The following RFX7 variants were observed in gnomAD, a reference collection of about 807,000 sequenced individuals.
The protein encoded by RFX7 is DNA-binding protein RFX7.
RFX7 carries 26 observed loss-of-function variants against 111.8 expected under a neutral mutation model. That is an observed-to-expected ratio of 0.23 (90% CI 0.17 to 0.32). RFX7 has a LOEUF of 0.32. RFX7 is among the 10% of genes least tolerant of loss of function. The probability of loss-of-function intolerance (pLI) is 1.00; values close to 1 mark genes in which losing one functional copy is unlikely to be tolerated. For missense variants in RFX7, 1,573 were observed against 1,772.9 expected (o/e 0.89, Z 2.02); for synonymous variants, 624 against 624.4 (o/e 1.00, Z 0.01).
chr15:56,208,334 G>T (rs2043276955), intron 2 of RFX7, among the ~76,000 whole-genome samples: 1 of 152,134 alleles, frequency 6.6e-6, no homozygotes, highest in Admixed American at 6.5e-5. Context: ...AAGTAAGGGG[G>T]CACTGGAGAG....
At chr15:56,128,319 T>C (rs1048232467) in intron 5 of RFX7, among the ~76,000 whole-genome samples, 3 of 152,132 alleles carry the variant, frequency 2.0e-5, no homozygotes, top group African/African-American at 7.2e-5. Context: ...ATCCCTCAGA[T>C]GCAAAAATCC....
chr15:56,195,548 G>A (rs1254243238), intron 2 of RFX7, among the ~76,000 whole-genome samples: 2 of 152,046 alleles, frequency 1.3e-5, no homozygotes, highest in Middle Eastern at 3.2e-3. Flanking sequence ...ATTGTTCTTA[G>A]TACTTGCCTG....
intron 2 of RFX7, among the ~76,000 whole-genome samples, chr15:56,215,042 G>A (rs2043350171): frequency 6.6e-6 from 1 of 152,060 alleles, no homozygotes; most frequent in Non-Finnish European, 1.5e-5. Flanking sequence ...ACGTACAATT[G>A]TCCCTTGGTG....
chr15:56,116,194 T>C (rs1162070730), intron 5 of RFX7, among the ~76,000 whole-genome samples: 1 of 152,150 alleles, frequency 6.6e-6, no homozygotes, highest in African/African-American at 2.4e-5. Flanking sequence ...CAAGGTTGTA[T>C]ACATGAAAAC....
chr15:56,135,298 A>G (rs1340577731), intron 5 of RFX7, among the ~76,000 whole-genome samples: 1 of 152,100 alleles, frequency 6.6e-6, no homozygotes, highest in Non-Finnish European at 1.5e-5. Flanking sequence ...CTTTTTAATG[A>G]TCGCCATTCT....
chr15:56,137,644 T>G (rs1228216031), intron 5 of RFX7, among the ~76,000 whole-genome samples: 4 of 152,092 alleles, frequency 2.6e-5, no homozygotes, highest in East Asian at 1.9e-4. Context: ...AGTTATTTCT[T>G]GCCTTCTGCT....
chr15:56,109,004 C>G (rs1169589588), intron 5 of RFX7, among the ~76,000 whole-genome samples: 4 of 151,168 alleles, frequency 2.6e-5, no homozygotes, highest in Non-Finnish European at 4.4e-5. Context: ...AGGACCTCTT[C>G]AAGAACTACA....
chr15:56,097,000 CAT>C (rs1237444031), intron 9 of RFX7, among the ~76,000 whole-genome samples: 1 of 151,924 alleles, frequency 6.6e-6, no homozygotes, highest in Non-Finnish European at 1.5e-5. Flanking sequence ...ATGGCTCACT[CAT>C]AGGGGAAACT....
chr15:56,226,667 A>C (rs952593867), intron 2 of RFX7, among the ~76,000 whole-genome samples: 1 of 152,238 alleles, frequency 6.6e-6, no homozygotes, highest in Non-Finnish European at 1.5e-5. Flanking sequence ...AAAGTAATAC[A>C]GAGAGAAAAT....
chr15:56,118,816 T>C (rs532621920), intron 5 of RFX7, among the ~76,000 whole-genome samples: 180 of 152,322 alleles, frequency 1.2e-3, no homozygotes, highest in African/African-American at 4.3e-3. Context: ...CCACCAACAG[T>C]GTATGAAGGT....
At chr15:56,200,320 C>G (rs1299327995) in intron 2 of RFX7, among the ~76,000 whole-genome samples, 1 of 152,116 alleles carries the variant, frequency 6.6e-6, no homozygotes, top group African/African-American at 2.4e-5. Context: ...CCTTTACTTT[C>G]TTTTCAAACA....
intron 2 of RFX7, among the ~76,000 whole-genome samples, chr15:56,232,814 G>C (rs1301081430): frequency 6.6e-6 from 1 of 152,138 alleles, no homozygotes; most frequent in African/African-American, 2.4e-5. Context: ...CTAAAGCATA[G>C]CAAGAACCCA....
At chr15:56,232,323 T>G (rs2043569188) in intron 2 of RFX7, among the ~76,000 whole-genome samples, 1 of 152,164 alleles carries the variant, frequency 6.6e-6, no homozygotes, top group Non-Finnish European at 1.5e-5. Context: ...GAAATCTACG[T>G]AAAGATTTCC....
At position 56,096,137 on chromosome 15, in the gene RFX7, C is replaced by G; in HGVS notation, c.1591G>C (p.Gly531Arg). Reference sequence around the variant, plus strand: ...ACTTTGACTTCCACAGCAGATGTTCCCCCCGCACTGCTGCTCCTGGACCCA... The same window carrying G: ...ACTTTGACTTCCACAGCAGATGTTCGCCCCGCACTGCTGCTCCTGGACCCA... ...SPGSRSSSAG[G>R]TSAVEVKVEP... Residue 531 changes from glycine to arginine, a missense_variant, in exon 10 of 10, where the codon GGA becomes CGA. Transcript: ENST00000559447. 1 of 1,613,760 alleles carries G rather than the reference C, an allele frequency of 6.2e-7. No homozygotes were observed.
At chr15:56,193,447 A>AT (rs1246265417) in intron 2 of RFX7, among the ~76,000 whole-genome samples, 2 of 152,162 alleles carry the variant, frequency 1.3e-5, no homozygotes, top group Non-Finnish European at 1.5e-5. Flanking sequence ...TATTTTTCTA[A>AT]TTTTTTAAAT....
At chr15:56,178,129 T>C (rs2042922164) in intron 3 of RFX7, among the ~76,000 whole-genome samples, 1 of 145,700 alleles carries the variant, frequency 6.9e-6, no homozygotes, top group African/African-American at 2.6e-5. Context: ...CAGAGGATTA[T>C]TATAAGACAA....
chr15:56,125,215 G>A (rs76163352), intron 5 of RFX7, among the ~76,000 whole-genome samples: 2,341 of 152,194 alleles, frequency 0.015, 25 homozygotes, highest in Non-Finnish European at 0.023. Flanking sequence ...GTCTATATGT[G>A]TGCTTTTATG....
intron 5 of RFX7, among the ~76,000 whole-genome samples, chr15:56,104,804 TAA>T (rs58659248): frequency 6.6e-6 from 1 of 152,028 alleles, no homozygotes; most frequent in African/African-American, 2.4e-5. Flanking sequence ...CCCCTGGGGT[TAA>T]AAGATGGGAA....
At chr15:56,228,407 A>T (rs1276336693) in intron 2 of RFX7, among the ~76,000 whole-genome samples, 1 of 152,144 alleles carries the variant, frequency 6.6e-6, no homozygotes, top group African/African-American at 2.4e-5. Flanking sequence ...GAACTATGGA[A>T]CTATGTTCCA....
Sources: gnomAD v4.1 joint callset for allele counts (sites outside exome capture counted in the v4.1 genomes callset) on GRCh38, gnomAD v4.1.1 for gene constraint, MANE v1.5 for transcripts, NCBI Gene and HGNC (gene_info 2026-07-23, HGNC 2026-07-21) for gene names.